The following BHMT2 variants were observed in gnomAD, a reference collection of about 807,000 sequenced individuals.
BHMT2 encodes S-methylmethionine--homocysteine S-methyltransferase BHMT2.
BHMT2 carries 28 observed loss-of-function variants against 39.0 expected under a neutral mutation model. That is an observed-to-expected ratio of 0.72 (90% CI 0.53 to 0.98). The LOEUF (loss-of-function observed/expected upper bound fraction) is 0.98. BHMT2 is among the 50% of genes least tolerant of loss of function. BHMT2 has a pLI of 0.00. For synonymous variants in BHMT2, 145 were observed against 160.6 expected, an observed-to-expected ratio of 0.90 and a Z score of 0.74; for missense variants, 410 against 455.6, an observed-to-expected ratio of 0.90 and a Z score of 0.91.
At chr5:79,074,376 G>A (rs183301349) in intron 1 of BHMT2, among the ~76,000 whole-genome samples, 97 of 152,254 alleles carry the variant, frequency 6.4e-4, no homozygotes, top group Non-Finnish European at 1.1e-3. Context: ...TAACAGGACT[G>A]TCCTGGGAGG....
Position 79,082,845 on chromosome 5 carries a change from G to A in BHMT2, c.487G>A (p.Glu163Lys). The A allele has an allele frequency of 1.2e-6, 2 of 1,614,152 alleles. No homozygotes were observed. The highest frequency in any genetic ancestry group is 1.7e-6 in the Non-Finnish European group (2 of 1,180,022). Residue 163 changes from glutamate to lysine, a missense_variant, in exon 5 of 8, where the codon GAA (glutamate) becomes AAA (lysine). Transcript: ENST00000255192. ...EHVEEAVWAV[E>K]VLKESDRPVA... ...CGTTGAAGAAGCTGTGTGGGCTGTG[G>A]AAGTCTTAAAAGAATCAGATAGACC...
chr5:79,088,694 C>T lies in BHMT2; in HGVS notation c.*120C>T. Reference sequence around the variant, plus strand: ...CCTGCTATCTCCAGCTGCTGAGCAGCTGAGGTGCTGCAGCCCCTTCCCTTC... The same window carrying T: ...CCTGCTATCTCCAGCTGCTGAGCAGTTGAGGTGCTGCAGCCCCTTCCCTTC... On this transcript the variant is annotated 3_prime_UTR_variant, in exon 8 of 8. Coordinates refer to ENST00000255192, the MANE Select transcript of BHMT2 (RefSeq NM_017614.5). The T allele has an allele frequency of 1.3e-6, 1 of 744,066 alleles. No individual in the cohort carries two copies. The highest frequency in any genetic ancestry group is 2.2e-6 in the Non-Finnish European group (1 of 447,008). 46.1% of individuals were successfully genotyped at this position (744,066 alleles called of 1,614,324 possible). A position where few individuals can be genotyped will look rare whatever the true frequency, so the allele number is the denominator to read the frequency against.
intron 1 of BHMT2, 53 bp from the exon 2 acceptor site, chr5:79,077,427 G>T: frequency 6.5e-7 from 1 of 1,531,660 alleles, no homozygotes; most frequent in Non-Finnish European, 8.8e-7. Flanking sequence ...AATGCTTTTA[G>T]GAAAAAAAAA....
At chr5:79,073,342 C>T (rs536310667) in intron 1 of BHMT2, among the ~76,000 whole-genome samples, 32 of 152,326 alleles carry the variant, frequency 2.1e-4, no homozygotes, top group African/African-American at 7.0e-4. Flanking sequence ...AGTAACTGTA[C>T]CTCTGACTTT....
At chr5:79,075,294 G>C (rs964313463) in intron 1 of BHMT2, among the ~76,000 whole-genome samples, 1 of 152,086 alleles carries the variant, frequency 6.6e-6, no homozygotes, top group Non-Finnish European at 1.5e-5. Context: ...ACAAACAGTG[G>C]CTTTCCTCTT....
chr5:79,088,442 A>T (rs1293030655), intron 7 of BHMT2, 51 bp from the exon 8 acceptor site: 2 of 1,390,322 alleles, frequency 1.4e-6, no homozygotes, highest in Admixed American at 1.8e-5. Flanking sequence ...GACATATTGG[A>T]CTTATAGGTA....
chr5:79,076,497 C>G (rs1310522539), intron 1 of BHMT2, among the ~76,000 whole-genome samples: 1 of 152,130 alleles, frequency 6.6e-6, no homozygotes, highest in Non-Finnish European at 1.5e-5. Flanking sequence ...AAACTGCACC[C>G]CATGGCTAAC....
At chr5:79,083,997 G>C (rs745908472) in intron 7 of BHMT2, 141 bp downstream of exon 7, 53 of 1,268,982 alleles carry the variant, frequency 4.2e-5, no homozygotes, top group Non-Finnish European at 5.2e-5. Flanking sequence ...CCTGATACCA[G>C]CTCCATTCCC....
At chr5:79,087,308 T>C (rs1274093810) in intron 7 of BHMT2, among the ~76,000 whole-genome samples, 1 of 151,824 alleles carries the variant, frequency 6.6e-6, no homozygotes, top group Non-Finnish European at 1.5e-5. Flanking sequence ...CCAGAGAAGA[T>C]GTTTTGTATA....
intron 1 of BHMT2, among the ~76,000 whole-genome samples, chr5:79,076,504 T>C (rs1016191008): frequency 6.6e-6 from 1 of 152,186 alleles, no homozygotes; most frequent in African/African-American, 2.4e-5. Flanking sequence ...ACCCCATGGC[T>C]AACTGCTCTG....
intron 2 of BHMT2, 56 bp downstream of exon 2, chr5:79,077,668 AT>A (rs1755698271): frequency 6.5e-7 from 1 of 1,549,686 alleles, no homozygotes; most frequent in Non-Finnish European, 8.7e-7. Flanking sequence ...TTTAAATCTG[AT>A]TGAGAGAAGA....
At chr5:79,079,040 C>A (rs1008302414) in intron 2 of BHMT2, among the ~76,000 whole-genome samples, 1 of 152,200 alleles carries the variant, frequency 6.6e-6, no homozygotes, top group African/African-American at 2.4e-5. Flanking sequence ...AGTAGACCAG[C>A]TCTGTCCTTT....
chr5:79,088,637 G>T lies in BHMT2; in HGVS notation c.*63G>T. On this transcript the variant is annotated 3_prime_UTR_variant, in exon 8 of 8. Transcript: ENST00000255192. Reference sequence around the variant, plus strand: ...AAAAAGTTGCCCTCAAGCCTGACCTGGAACCGTTCCTCACCTTCATCCTCA... The same window carrying T: ...AAAAAGTTGCCCTCAAGCCTGACCTTGAACCGTTCCTCACCTTCATCCTCA... 7.2e-7 allele frequency: 1 copy of T among 1,384,760 alleles called. No homozygotes were observed. The highest frequency in any genetic ancestry group is 1.8e-5 in the Admixed American group (1 of 56,502). 85.8% of individuals were successfully genotyped at this position (1,384,760 alleles called of 1,614,324 possible). A position where few individuals can be genotyped will look rare whatever the true frequency, so the allele number is the denominator to read the frequency against.
rs763691230 is a variant in BHMT2, at chr5:79,088,698, G to A, written c.*124G>A. The A allele has an allele frequency of 3.3e-4, 235 of 716,416 alleles. No individual in the cohort carries two copies. Among genetic ancestry groups the A allele is most frequent in the Middle Eastern group, 5.0e-4 (2 of 3,984 alleles). The allele number at this position is 716,416 out of a possible 1,614,324, so 44.4% of individuals were successfully genotyped here. A position where few individuals can be genotyped will look rare whatever the true frequency, so the allele number is the denominator to read the frequency against. ...CTATCTCCAGCTGCTGAGCAGCTGA[G>A]GTGCTGCAGCCCCTTCCCTTCCAGC... On this transcript the variant is annotated 3_prime_UTR_variant, in exon 8 of 8. Transcript: ENST00000255192.
At chr5:79,083,119 G>C (rs1028808618) in intron 5 of BHMT2, 73 bp from the exon 6 acceptor site, 2 of 1,590,570 alleles carry the variant, frequency 1.3e-6, no homozygotes, top group Middle Eastern at 1.7e-4. Flanking sequence ...TAACCTCTAA[G>C]GTACCTTCCA....
In BHMT2 at chr5:79,082,923, C is replaced by T. The variant is rs796758654; in HGVS notation, c.565C>T (p.Pro189Ser). ...GPEGDMHDIT[P>S]GECAVRLVKA... ...AGAGGGAGACATGCATGATATAACC[C>T]CCGGAGAATGTGCTGTGAGGCTGGT... The change falls in exon 5 of 8, where the codon CCC becomes TCC. Residue 189 changes from proline to serine, a missense_variant. Coordinates refer to ENST00000255192, the MANE Select transcript of BHMT2 (RefSeq NM_017614.5). 1.2e-6 allele frequency: 2 copies of T among 1,614,058 alleles called. No homozygotes were observed. Among genetic ancestry groups the T allele is most frequent in the Admixed American group, 3.3e-5 (2 of 60,004 alleles).
At chr5:79,085,138 A>T (rs1755868525) in intron 7 of BHMT2, among the ~76,000 whole-genome samples, 1 of 152,196 alleles carries the variant, frequency 6.6e-6, no homozygotes, top group African/African-American at 2.4e-5. Flanking sequence ...TGATCCTAAA[A>T]ATATAAAATC....
chr5:79,077,591 G>T lies in BHMT2; in HGVS notation c.145G>T (p.Val49Leu). The change falls in exon 2 of 8, where the codon GTG becomes TTG. Residue 49 changes from valine (V) to leucine (L), a missense_variant. Coordinates refer to ENST00000255192, the MANE Select transcript of BHMT2 (RefSeq NM_017614.5). ...GGCTGGGCTCTGGACTCCAGAGGCAGTGATAGAACACCCAGACGCAGGTTG... is the reference window on the plus strand; with the variant it reads ...GGCTGGGCTCTGGACTCCAGAGGCATTGATAGAACACCCAGACGCAGGTTG... ...VKAGLWTPEA[V>L]IEHPDAVRQL... 1 of 1,613,944 alleles carries T rather than the reference G, an allele frequency of 6.2e-7. No homozygotes were observed. The highest frequency in any genetic ancestry group is 1.7e-5 in the Admixed American group (1 of 60,002).
At position 79,088,087 on chromosome 5, in the gene BHMT2, G is replaced by A. The variant is rs574091532; in HGVS notation, c.1011-406G>A. Reference sequence around the variant, plus strand: ...CCCAGCTACCTGGGGGGCTGAGGCAGGAGGATTGCTTGAATCCAGGAGGTC... The same window carrying A: ...CCCAGCTACCTGGGGGGCTGAGGCAAGAGGATTGCTTGAATCCAGGAGGTC... On this transcript the variant is annotated intron_variant, in intron 7 of 7. Coordinates refer to ENST00000255192, the MANE Select transcript of BHMT2 (RefSeq NM_017614.5). Among the ~76,000 whole-genome samples, 25 of 152,296 alleles carry A rather than the reference G, an allele frequency of 1.6e-4. No individual in the cohort carries two copies. In the South Asian group the frequency reaches 3.7e-3, roughly 23 times the overall value.
Sources: gnomAD v4.1 joint callset for allele counts (sites outside exome capture counted in the v4.1 genomes callset) on GRCh38, gnomAD v4.1.1 for gene constraint, MANE v1.5 for transcripts, NCBI Gene and HGNC (gene_info 2026-07-23, HGNC 2026-07-21) for gene names.